Variants in FGD4 observed in about 807,000 individuals in gnomAD.
FGD4 encodes FYVE, RhoGEF and PH domain-containing protein 4.
FGD4 carries 42 observed loss-of-function variants against 102.0 expected under a neutral mutation model. That is an observed-to-expected ratio of 0.41 (90% CI 0.32 to 0.53). The LOEUF is 0.53. Ranked by LOEUF, FGD4 falls within the 20% of genes least tolerant of loss-of-function variation. FGD4 has a pLI of 0.21. For missense variants in FGD4, 902 were observed against 1,078.2 expected (o/e 0.84, Z 2.29); for synonymous variants, 380 against 375.7 (o/e 1.01, Z -0.13).
chr12:32,594,171 G>A lies in FGD4; in HGVS notation c.1012-4326G>A, dbSNP rs116359797. Among the ~76,000 whole-genome samples, 1,167 of 152,268 alleles carry A rather than the reference G, an allele frequency of 7.7e-3. 18 individuals carry two copies. The highest frequency in any genetic ancestry group is 0.025 in the African/African-American group (1,042 of 41,544). On this transcript the variant is annotated intron_variant, in intron 4 of 16. Coordinates refer to ENST00000534526, the MANE Select transcript of FGD4 (RefSeq NM_001370298.3). ...TGTTAGGGATGTGGCCTTTTGAGTGGTGGGGCAGGCGAGCAAGTAAGTGAA... is the reference window on the plus strand; with the variant it reads ...TGTTAGGGATGTGGCCTTTTGAGTGATGGGGCAGGCGAGCAAGTAAGTGAA...
chr12:32,594,006 G>C (rs961766014), intron 4 of FGD4, among the ~76,000 whole-genome samples: 1 of 152,196 alleles, frequency 6.6e-6, no homozygotes, highest in Non-Finnish European at 1.5e-5. Flanking sequence ...CTGGTGGTAG[G>C]AGCATAGAGG....
chr12:32,598,707 C>T (rs1037154615), intron 5 of FGD4, 121 bp downstream of exon 5: 23 of 781,562 alleles, frequency 2.9e-5, no homozygotes, highest in Non-Finnish European at 5.0e-5. Flanking sequence ...GTGAAAGGTA[C>T]TTGCTCAAGG....
chr12:32,508,734 A>G (rs537911638), intron 1 of FGD4, among the ~76,000 whole-genome samples: 88 of 152,358 alleles, frequency 5.8e-4, no homozygotes, highest in African/African-American at 2.1e-3. Flanking sequence ...AGAGTCCTAG[A>G]ATTCAGCTCA....
intron 4 of FGD4, among the ~76,000 whole-genome samples, chr12:32,583,980 T>A (rs993796401): frequency 2.6e-5 from 4 of 152,242 alleles, no homozygotes; most frequent in Non-Finnish European, 5.9e-5. Flanking sequence ...ATATTCTAAT[T>A]GGTGATGATG....
At chr12:32,427,642 G>A (rs941746386) in intron 1 of FGD4, among the ~76,000 whole-genome samples, 10 of 152,226 alleles carry the variant, frequency 6.6e-5, no homozygotes, top group African/African-American at 2.4e-4. Context: ...GTCTTGATCT[G>A]TCTAATATTG....
At chr12:32,440,086 C>T (rs928487070) in intron 1 of FGD4, among the ~76,000 whole-genome samples, 1 of 152,182 alleles carries the variant, frequency 6.6e-6, no homozygotes, top group Non-Finnish European at 1.5e-5. Flanking sequence ...TTCCTCAACA[C>T]GGCTATTGTG....
intron 1 of FGD4, among the ~76,000 whole-genome samples, chr12:32,516,854 G>C (rs1006081902): frequency 1.3e-5 from 2 of 152,186 alleles, no homozygotes; most frequent in African/African-American, 4.8e-5. Flanking sequence ...ATGAGGAAAA[G>C]AATGGGAAAC....
chr12:32,421,526 C>T (rs1365968501), intron 1 of FGD4, among the ~76,000 whole-genome samples: 1 of 152,200 alleles, frequency 6.6e-6, no homozygotes, highest in Non-Finnish European at 1.5e-5. Context: ...GTTACATTGT[C>T]AGGAATTTCT....
intron 1 of FGD4, among the ~76,000 whole-genome samples, chr12:32,461,704 T>C (rs577125944): frequency 1.1e-4 from 17 of 152,292 alleles, no homozygotes; most frequent in Middle Eastern, 3.4e-3. Context: ...ACTGTTATCC[T>C]TTCTTTTCAT....
At chr12:32,534,170 G>A in intron 1 of FGD4, 1 of 384,838 alleles carries the variant, frequency 2.6e-6, no homozygotes, top group Non-Finnish European at 3.6e-6. Context: ...ATGTGCCTCA[G>A]TTGTTTACTT....
intron 1 of FGD4, among the ~76,000 whole-genome samples, chr12:32,406,632 T>C (rs1399255795): frequency 6.6e-6 from 1 of 152,104 alleles, no homozygotes; most frequent in Non-Finnish European, 1.5e-5. Flanking sequence ...CAGGAGCTTA[T>C]GGATCTGCAT....
At chr12:32,550,689 AAAG>A (rs1457376144) in intron 1 of FGD4, among the ~76,000 whole-genome samples, 5 of 151,174 alleles carry the variant, frequency 3.3e-5, no homozygotes, top group South Asian at 2.1e-4. Flanking sequence ...AAAAAAAAAA[AAAG>A]AAAGAGACAA....
chr12:32,531,383 A>C (rs1435143783), intron 1 of FGD4, among the ~76,000 whole-genome samples: 1 of 152,210 alleles, frequency 6.6e-6, no homozygotes, highest in Non-Finnish European at 1.5e-5. Flanking sequence ...GCACGCAGTC[A>C]TATAACCACC....
chr12:32,440,087 G>A (rs950014805), intron 1 of FGD4, among the ~76,000 whole-genome samples: 10 of 152,078 alleles, frequency 6.6e-5, no homozygotes, highest in East Asian at 1.9e-4. Context: ...TCCTCAACAC[G>A]GCTATTGTGA....
intron 1 of FGD4, among the ~76,000 whole-genome samples, chr12:32,527,713 G>A (rs892969781): frequency 1.3e-5 from 2 of 152,098 alleles, no homozygotes; most frequent in Non-Finnish European, 2.9e-5. Context: ...ACAGGTGTGA[G>A]CCACTGCGCC....
At chr12:32,490,155 CT>C in intron 1 of FGD4, among the ~76,000 whole-genome samples, 1 of 152,170 alleles carries the variant, frequency 6.6e-6, no homozygotes, top group Non-Finnish European at 1.5e-5. Flanking sequence ...AGTGAAGATT[CT>C]TTTTTTGTCC....
At chr12:32,603,587 G>C (rs1467028127) in intron 7 of FGD4, among the ~76,000 whole-genome samples, 1 of 151,820 alleles carries the variant, frequency 6.6e-6, no homozygotes, top group Non-Finnish European at 1.5e-5. Context: ...GGGTTTCACC[G>C]TGTTAGCCGG....
In FGD4 at chr12:32,598,514, A is replaced by T. The variant is rs758948408; in HGVS notation, c.1029A>T (p.Lys343Asn). The change falls in exon 5 of 17, where the codon AAA becomes AAT. Residue 343 changes from lysine to asparagine, a missense_variant. Lys to Asn is a moderately conservative substitution (Grantham distance 94, BLOSUM62 0). Around this residue, in one of 2 missense-constraint regions of FGD4, gnomAD observed 443 missense variants for 459.2 expected, o/e 0.96. Coordinates refer to ENST00000534526, the MANE Select transcript of FGD4 (RefSeq NM_001370298.3). The part of the protein sequence containing the change: ...HHEMKETNEQ[K>N]LHKIANELLL... ...ATTTTTAGGAGACTAATGAGCAAAA[A>T]CTTCACAAAATAGCCAATGAACTTT... is the stretch of plus-strand genomic sequence containing the variant. The T allele has an allele frequency of 1.2e-6, 2 of 1,613,376 alleles. No homozygotes were observed. The highest frequency in any genetic ancestry group is 2.2e-5 in the South Asian group (2 of 90,804).
chr12:32,479,697 T>G (rs1394739466), intron 1 of FGD4, among the ~76,000 whole-genome samples: 1 of 151,104 alleles, frequency 6.6e-6, no homozygotes, highest in African/African-American at 2.4e-5. Context: ...GTCCAAATAG[T>G]TATATTCGTT....
Sources: gnomAD v4.1 joint callset for allele counts (sites outside exome capture counted in the v4.1 genomes callset) on GRCh38, gnomAD v4.1.1 for gene constraint, gnomAD v4.1.1 regional missense constraint, MANE v1.5 for transcripts, NCBI Gene and HGNC (gene_info 2026-07-23, HGNC 2026-07-21) for gene names.